OXCT1: variants seen among roughly 807,000 people sequenced by gnomAD.
OXCT1 encodes the protein succinyl-CoA:3-ketoacid coenzyme A transferase 1, mitochondrial.
In OXCT1, 27 loss-of-function variants were observed where a neutral mutation model predicts 69.6. The ratio of observed to expected loss-of-function variants is 0.39; its 90% CI spans 0.29 to 0.54. OXCT1 has a LOEUF of 0.54. OXCT1 is among the 20% of genes least tolerant of loss of function. OXCT1 has a pLI of 0.72. For synonymous variants in OXCT1, 202 were observed against 217.8 expected (o/e 0.93, Z 0.64); for missense variants, 437 against 650.2 (o/e 0.67, Z 3.57).
At chr5:41,748,229 G>T (rs1408694493) in intron 15 of OXCT1, among the ~76,000 whole-genome samples, 1 of 151,962 alleles carries the variant, frequency 6.6e-6, no homozygotes, top group East Asian at 1.9e-4. Context: ...AGGTTTAAAG[G>T]ACAGGTAGTA....
At chr5:41,814,553 G>T (rs889163085) in intron 7 of OXCT1, among the ~76,000 whole-genome samples, 6 of 151,800 alleles carry the variant, frequency 4.0e-5, no homozygotes, top group Admixed American at 1.3e-4. Context: ...CCATAAAAAA[G>T]GATGAGTTCA....
chr5:41,817,515 A>T (rs151283223), intron 7 of OXCT1, among the ~76,000 whole-genome samples: 1 of 152,312 alleles, frequency 6.6e-6, no homozygotes, highest in East Asian at 1.9e-4. Context: ...TGGATATTGA[A>T]CACTCTAGAT....
intron 14 of OXCT1, among the ~76,000 whole-genome samples, chr5:41,761,794 C>A (rs1164882783): frequency 6.6e-6 from 1 of 152,110 alleles, no homozygotes; most frequent in Non-Finnish European, 1.5e-5. Context: ...TACATCCATA[C>A]AGACATCTTT....
intron 7 of OXCT1, among the ~76,000 whole-genome samples, chr5:41,837,826 C>T (rs1385461180): frequency 6.6e-6 from 1 of 152,202 alleles, no homozygotes; most frequent in East Asian, 1.9e-4. Context: ...TCCACCTAAG[C>T]TGTGTGACAT....
In OXCT1 at chr5:41,730,553, A is replaced by AGGGTGC. The variant is rs1413650388; in HGVS notation, c.*1170_*1175dup. 2 of 152,222 alleles carry AGGGTGC rather than the reference A, an allele frequency of 1.3e-5. No homozygotes were observed. The highest frequency in any genetic ancestry group is 2.9e-5 in the Non-Finnish European group (2 of 68,048). 9.4% of individuals were successfully genotyped at this position (152,222 alleles called of 1,614,324 possible). ...AGGCCAGCTGTCTCACCTGTTCTTC[A>AGGGTGC]GGGTGCCTAGACTTTTTACCCATCT... On this transcript the variant is annotated 3_prime_UTR_variant, in exon 17 of 17. Coordinates refer to ENST00000196371, the MANE Select transcript of OXCT1 (RefSeq NM_000436.4).
intron 2 of OXCT1, 35 bp from the exon 3 acceptor site, chr5:41,861,439 G>A (rs1244092470): frequency 5.1e-6 from 6 of 1,180,006 alleles, no homozygotes; most frequent in Non-Finnish European, 7.6e-6. Context: ...AATTTGTAAA[G>A]GGGGTAACAA....
Position 41,787,634 on chromosome 5 carries a change from C to CAAAAAAAAAAAAAAAAAAAA in OXCT1, c.1248+6349_1248+6368dup, listed in dbSNP as rs765691863. Among the ~76,000 whole-genome samples, 11 of 34,716 alleles carry CAAAAAAAAAAAAAAAAAAAA rather than the reference C, an allele frequency of 3.2e-4. 1 individual carries two copies. Among genetic ancestry groups the CAAAAAAAAAAAAAAAAAAAA allele is most frequent in the Non-Finnish European group, 3.6e-4 (8 of 22,142 alleles). The allele number at this position is 34,716 out of a possible 152,430, so 22.8% of individuals were successfully genotyped here. On this transcript the variant is annotated intron_variant, in intron 13 of 16. Coordinates refer to ENST00000196371, the MANE Select transcript of OXCT1 (RefSeq NM_000436.4). ...AAAGAACCATTAAGCAAGCATTAGG[C>CAAAAAAAAAAAAAAAAAAAA]AAAAAAAAAAAAAAAAAAAAAAAAG...
chr5:41,843,554 C>G (rs892891375), intron 5 of OXCT1: 11 of 455,906 alleles, frequency 2.4e-5, no homozygotes, highest in Admixed American at 2.4e-4. Context: ...GAGGGAAGAA[C>G]ATAAAGCAAA....
chr5:41,860,885 T>C (rs529827250), intron 3 of OXCT1, among the ~76,000 whole-genome samples: 228 of 152,170 alleles, frequency 1.5e-3, no homozygotes, highest in Non-Finnish European at 2.9e-3. Flanking sequence ...TCTAGAATGA[T>C]GGCATTGCTA....
intron 3 of OXCT1, among the ~76,000 whole-genome samples, chr5:41,857,558 G>A (rs954522065): frequency 3.3e-5 from 5 of 152,184 alleles, no homozygotes. Flanking sequence ...GGATGTGGGT[G>A]AGGGGAAAAT....
intron 13 of OXCT1, among the ~76,000 whole-genome samples, chr5:41,784,514 T>A (rs1190713354): frequency 6.6e-6 from 1 of 152,224 alleles, no homozygotes; most frequent in Non-Finnish European, 1.5e-5. Flanking sequence ...TTTTTATGTA[T>A]TTTGCAGGTT....
Position 41,769,351 on chromosome 5 carries a change from C to T in OXCT1, c.1249-7151G>A, listed in dbSNP as rs1454256000. 5.9e-5 allele frequency among the ~76,000 whole-genome samples: 9 copies of T among 152,198 alleles called. No homozygotes were observed. The South Asian group carries it at 1.5e-3, about 25-fold the overall frequency. ...ATGCAGCTATGACTACCAGTGCTCA[C>T]ATCTGTTCTCAAATCTGTTCTGATT... On this transcript the variant is annotated intron_variant, in intron 13 of 16. Coordinates refer to ENST00000196371, the MANE Select transcript of OXCT1 (RefSeq NM_000436.4).
At chr5:41,801,111 C>T (rs1377237567) in intron 10 of OXCT1, 41 bp from the exon 11 acceptor site, 2 of 1,395,736 alleles carry the variant, frequency 1.4e-6, no homozygotes, top group African/African-American at 1.4e-5. Flanking sequence ...AATGAAGATT[C>T]TCACTGAATC....
chr5:41,859,852 G>C (rs923781144), intron 3 of OXCT1, among the ~76,000 whole-genome samples: 3 of 104,518 alleles, frequency 2.9e-5, no homozygotes, highest in Admixed American at 9.8e-5. Flanking sequence ...TATTATACCT[G>C]ACTAGTATAG....
chr5:41,844,681 T>G (rs1748805681), intron 5 of OXCT1, among the ~76,000 whole-genome samples: 1 of 152,030 alleles, frequency 6.6e-6, no homozygotes, highest in South Asian at 2.1e-4. Context: ...AATGAACGTC[T>G]CCAATGCACC....
At chr5:41,745,011 C>T (rs1035813904) in intron 15 of OXCT1, among the ~76,000 whole-genome samples, 1 of 151,944 alleles carries the variant, frequency 6.6e-6, no homozygotes, top group Non-Finnish European at 1.5e-5. Flanking sequence ...AAGGTAACAA[C>T]GCTATCCAGG....
At chr5:41,735,067 T>C (rs979044691) in intron 16 of OXCT1, among the ~76,000 whole-genome samples, 2 of 152,190 alleles carry the variant, frequency 1.3e-5, no homozygotes, top group African/African-American at 2.4e-5. Context: ...AGAATTATCA[T>C]ATGATCCAGC....
chr5:41,829,094 G>A (rs1054734259), intron 7 of OXCT1, among the ~76,000 whole-genome samples: 17 of 152,208 alleles, frequency 1.1e-4, no homozygotes, highest in Admixed American at 2.0e-4. Flanking sequence ...CTCTCCTGAT[G>A]TCCTGAATTA....
chr5:41,794,151 T>C, intron 12 of OXCT1, 73 bp from the exon 13 acceptor site: 2 of 1,060,562 alleles, frequency 1.9e-6, no homozygotes, highest in Non-Finnish European at 3.0e-6. Context: ...TGCCAGCAAT[T>C]AGAATAACTT....
Sources: allele counts gnomAD v4.1 joint callset (sites outside exome capture counted in the v4.1 genomes callset), GRCh38; gene constraint gnomAD v4.1.1; transcripts MANE v1.5; gene names NCBI Gene and HGNC (gene_info 2026-07-23, HGNC 2026-07-21).